The following PPP2R2B variants were observed in gnomAD, a reference collection of about 807,000 sequenced individuals.
The protein encoded by PPP2R2B is protein phosphatase 2 regulatory subunit Bbeta.
A neutral mutation model predicts 46.0 loss-of-function variants in PPP2R2B; 5 were observed. That is an observed-to-expected ratio of 0.11 (90% CI 0.06 to 0.23). PPP2R2B has a LOEUF of 0.23. PPP2R2B is among the 10% of genes least tolerant of loss of function. The probability of loss-of-function intolerance (pLI) is 1.00; values close to 1 mark genes in which losing one functional copy is unlikely to be tolerated. For synonymous variants in PPP2R2B, 215 were observed against 206.7 expected, an observed-to-expected ratio of 1.04 and a Z score of -0.34; for missense variants, 367 against 575.0, an observed-to-expected ratio of 0.64 and a Z score of 3.70.
Position 146,590,139 on chromosome 5 carries a change from T to C in PPP2R2B, c.1140A>G (p.Glu380=). 6.2e-7 allele frequency: 1 copy of C among 1,613,420 alleles called. No homozygotes were observed. The highest frequency in any genetic ancestry group is 8.5e-7 in the Non-Finnish European group (1 of 1,179,976). The part of the protein sequence containing the change: ...KRDVTLEASR[E]NSKPRAILKP... ...TGAGGATAGCCCGGGGCTTGCTGTT[T>C]TCCCTCGAAGCCTCAAGGGTCACAT... is the stretch of plus-strand genomic sequence containing the variant. The change falls in exon 10 of 10, where the codon GAA becomes GAG. Residue 380 remains glutamate (E), a synonymous_variant. Coordinates refer to ENST00000394411, the MANE Select transcript of PPP2R2B (RefSeq NM_181675.4).
chr5:146,805,239 A>C (rs1757106231), intron 2 of PPP2R2B, among the ~76,000 whole-genome samples: 1 of 152,164 alleles, frequency 6.6e-6, no homozygotes, highest in Non-Finnish European at 1.5e-5. Context: ...CCATTTGTGC[A>C]TGAAGTCATC....
chr5:146,985,406 T>C (rs551772149), intron 1 of PPP2R2B, among the ~76,000 whole-genome samples: 40 of 152,366 alleles, frequency 2.6e-4, no homozygotes, highest in African/African-American at 8.7e-4. Context: ...TTTTTAAGTC[T>C]AATATAATCC....
intron 1 of PPP2R2B, among the ~76,000 whole-genome samples, chr5:146,994,599 T>C (rs1023460691): frequency 2.6e-5 from 4 of 152,068 alleles, no homozygotes; most frequent in Non-Finnish European, 2.9e-5. Flanking sequence ...GCCACTATAG[T>C]ATTTATCCAC....
At chr5:146,828,664 T>C (rs984355651) in intron 2 of PPP2R2B, among the ~76,000 whole-genome samples, 1 of 152,110 alleles carries the variant, frequency 6.6e-6, no homozygotes, top group Non-Finnish European at 1.5e-5. Context: ...AAGGATGATC[T>C]TTTTCCCCCC....
intron 1 of PPP2R2B, among the ~76,000 whole-genome samples, chr5:146,921,071 A>G (rs2151814543): frequency 6.6e-6 from 1 of 152,320 alleles, no homozygotes; most frequent in African/African-American, 2.4e-5. Flanking sequence ...AAAAGACTTC[A>G]GAGGGAAAAA....
intron 6 of PPP2R2B, among the ~76,000 whole-genome samples, chr5:146,649,594 G>C (rs1016691266): frequency 6.6e-6 from 1 of 151,892 alleles, no homozygotes; most frequent in Non-Finnish European, 1.5e-5. Flanking sequence ...ACAGGCGCCC[G>C]CCACCATGCC....
At chr5:146,835,553 T>C (rs1175702077) in intron 2 of PPP2R2B, among the ~76,000 whole-genome samples, 1 of 152,140 alleles carries the variant, frequency 6.6e-6, no homozygotes, top group African/African-American at 2.4e-5. Flanking sequence ...TTCCTCAGGT[T>C]TGCCAGTCTC....
intron 7 of PPP2R2B, among the ~76,000 whole-genome samples, chr5:146,628,191 C>T (rs999219926): frequency 3.3e-5 from 5 of 152,118 alleles, no homozygotes; most frequent in Admixed American, 2.0e-4. Context: ...GTGATCTGCC[C>T]GCCTCAGCCT....
intron 2 of PPP2R2B, among the ~76,000 whole-genome samples, chr5:146,847,684 A>ACAG (rs1760089530): frequency 6.6e-6 from 1 of 152,218 alleles, no homozygotes; most frequent in Admixed American, 6.5e-5. Context: ...CTGTGAGCAG[A>ACAG]CAGCAGCAGC....
In PPP2R2B at chr5:146,584,559, C is replaced by T. The variant is rs1770045954; in HGVS notation, c.*5388G>A. On this transcript the variant is annotated 3_prime_UTR_variant, in exon 10 of 10. Coordinates refer to ENST00000394411, the MANE Select transcript of PPP2R2B (RefSeq NM_181675.4). Reference sequence around the variant, plus strand: ...AAAACTTCCTGCTACGTCATCTAACCCTTTTGAGTCTGTTTCTCGCTATAA... The same window carrying T: ...AAAACTTCCTGCTACGTCATCTAACTCTTTTGAGTCTGTTTCTCGCTATAA... 1 of 152,154 alleles carries T rather than the reference C, an allele frequency of 6.6e-6. No homozygotes were observed. The highest frequency in any genetic ancestry group is 1.5e-5 in the Non-Finnish European group (1 of 68,036). The allele number at this position is 152,154 out of a possible 1,614,324, so 9.4% of individuals were successfully genotyped here.
At chr5:147,038,201 G>A (rs1195917581) in intron 1 of PPP2R2B, among the ~76,000 whole-genome samples, 3 of 152,154 alleles carry the variant, frequency 2.0e-5, no homozygotes, top group African/African-American at 7.2e-5. Context: ...AACTGGGGAT[G>A]GCTCATTGAA....
chr5:146,780,686 G>T (rs1755455934), intron 2 of PPP2R2B, among the ~76,000 whole-genome samples: 1 of 152,118 alleles, frequency 6.6e-6, no homozygotes, highest in African/African-American at 2.4e-5. Flanking sequence ...CTAATCACTA[G>T]GAATCCCTGT....
chr5:146,737,059 T>C (rs1752577220), intron 2 of PPP2R2B, among the ~76,000 whole-genome samples: 1 of 152,218 alleles, frequency 6.6e-6, no homozygotes, highest in African/African-American at 2.4e-5. Flanking sequence ...ACTAAGTTAT[T>C]TTACTGTCTT....
At chr5:147,074,663 C>A in intron 2 of PPP2R2B, among the ~76,000 whole-genome samples, 1 of 152,034 alleles carries the variant, frequency 6.6e-6, no homozygotes, top group East Asian at 1.9e-4. Flanking sequence ...TTCTTATAAT[C>A]TCGAATTTCT....
At chr5:146,697,907 G>C in intron 4 of PPP2R2B, 72 bp downstream of exon 4, 1 of 1,433,144 alleles carries the variant, frequency 7.0e-7, no homozygotes, top group Non-Finnish European at 9.5e-7. Context: ...AGGAAATTGA[G>C]GTTAAGAGAG....
At position 146,629,331 on chromosome 5, in the gene PPP2R2B, C is replaced by T. The variant is rs116298560; in HGVS notation, c.790+8920G>A. Reference sequence around the variant, plus strand: ...TACAGTAACTCAAGCACCAAACCTACGAGTTATCTTAGATTCTCCCTTTTC... The same window carrying T: ...TACAGTAACTCAAGCACCAAACCTATGAGTTATCTTAGATTCTCCCTTTTC... On this transcript the variant is annotated intron_variant, in intron 7 of 9. Transcript: ENST00000394411. 7.3e-3 allele frequency among the ~76,000 whole-genome samples: 1,116 copies of T among 152,252 alleles called. 24 individuals carry two copies. The highest frequency in any genetic ancestry group is 0.025 in the African/African-American group (1,036 of 41,530).
intron 2 of PPP2R2B, among the ~76,000 whole-genome samples, chr5:146,725,132 C>A (rs1751781352): frequency 6.6e-6 from 1 of 152,160 alleles, no homozygotes; most frequent in Admixed American, 6.6e-5. Flanking sequence ...CTTTGCCTTC[C>A]TTTCCTCACT....
At chr5:147,001,988 CA>C (rs1754201069) in intron 1 of PPP2R2B, among the ~76,000 whole-genome samples, 1 of 152,110 alleles carries the variant, frequency 6.6e-6, no homozygotes, top group Non-Finnish European at 1.5e-5. Context: ...GCGGAACTCT[CA>C]AAGTCATGTC....
intron 2 of PPP2R2B, among the ~76,000 whole-genome samples, chr5:146,723,610 C>T (rs1402572037): frequency 6.6e-6 from 1 of 152,118 alleles, no homozygotes; most frequent in African/African-American, 2.4e-5. Context: ...TTTGAAAGAT[C>T]ACTTGTGTTG....
Sources: allele counts gnomAD v4.1 joint callset (sites outside exome capture counted in the v4.1 genomes callset), GRCh38; gene constraint gnomAD v4.1.1; transcripts MANE v1.5; gene names NCBI Gene and HGNC (gene_info 2026-07-23, HGNC 2026-07-21).